KLF16: variants seen among roughly 807,000 people sequenced by gnomAD.
KLF16 encodes the protein Krueppel-like factor 16.
In KLF16, 6 loss-of-function variants were observed where a neutral mutation model predicts 6.1. The ratio of observed to expected loss-of-function variants is 0.98; its 90% CI spans 0.54 to 1.93. KLF16 has a LOEUF of 1.93. Ranked by LOEUF, KLF16 falls within the 30% of genes most tolerant of loss-of-function variation. KLF16 has a pLI of 0.01. For synonymous variants in KLF16, 211 were observed against 176.5 expected (o/e 1.20, Z -1.55); for missense variants, 355 against 363.8 (o/e 0.98, Z 0.20).
At chr19:1,859,408 T>G (rs1010131954) in intron 1 of KLF16, among the ~76,000 whole-genome samples, 97 of 151,938 alleles carry the variant, frequency 6.4e-4, no homozygotes, top group African/African-American at 2.2e-3. Context: ...CCACATCTCG[T>G]CCTGCCCTCC....
At chr19:1,862,512 G>A (rs1251291038) in intron 1 of KLF16, among the ~76,000 whole-genome samples, 1 of 151,808 alleles carries the variant, frequency 6.6e-6, no homozygotes, top group African/African-American at 2.4e-5. Flanking sequence ...CAGAGAAAAC[G>A]TGCCGGGCTC....
chr19:1,872,141 G>T, the KLF16 span, among the ~76,000 whole-genome samples: 7 of 152,034 alleles, frequency 4.6e-5, no homozygotes, highest in Non-Finnish European at 8.8e-5. Flanking sequence ...GTTTTTCGTT[G>T]TTTTTTTAAG....
In KLF16 at chr19:1,863,403, G is replaced by T; in HGVS notation, c.95C>A (p.Pro32His). 1 of 995,440 alleles carries T rather than the reference G, an allele frequency of 1.0e-6. No homozygotes were observed. The highest frequency in any genetic ancestry group is 1.2e-6 in the Non-Finnish European group (1 of 838,432). The allele number at this position is 995,440 out of a possible 1,614,324, so 61.7% of individuals were successfully genotyped here. A position where few individuals can be genotyped will look rare whatever the true frequency, so the allele number is the denominator to read the frequency against. Reference sequence around the variant, plus strand: ...GCCGGCGGCGGGGCCCGCGCCCTCGGGGCCGGGCCGCCCGCGGTGCACCAC... The same window carrying T: ...GCCGGCGGCGGGGCCCGCGCCCTCGTGGCCGGGCCGCCCGCGGTGCACCAC... ...GAVVHRGRPG[P>H]EGAGPAAGLD... The change falls in exon 1 of 2, where the codon CCC (proline) becomes CAC (histidine). Residue 32 changes from proline to histidine, a missense_variant. Pro to His is a moderately conservative substitution (Grantham distance 77, BLOSUM62 -2). Transcript: ENST00000250916.
chr19:1,866,315 A>C (rs572029765), upstream of KLF16, among the ~76,000 whole-genome samples: 1 of 150,780 alleles, frequency 6.6e-6, no homozygotes. Flanking sequence ...TCTCAAAAAA[A>C]AAAATTAGCT....
intron 1 of KLF16, among the ~76,000 whole-genome samples, chr19:1,856,409 A>G (rs1235199606): frequency 6.6e-6 from 1 of 152,114 alleles, no homozygotes; most frequent in Non-Finnish European, 1.5e-5. Flanking sequence ...CCCTCAGCAA[A>G]ACAAGACTGC....
At chr19:1,864,761 AG>A (rs1442848299), upstream of KLF16, among the ~76,000 whole-genome samples, 4 of 152,154 alleles carry the variant, frequency 2.6e-5, no homozygotes, top group South Asian at 2.1e-4. Context: ...GTTAAATATT[AG>A]GGGGGACACC....
chr19:1,870,574 T>A, the KLF16 span, among the ~76,000 whole-genome samples: 2 of 151,006 alleles, frequency 1.3e-5, no homozygotes, highest in African/African-American at 4.9e-5. Context: ...GAGGCTGAGG[T>A]GGAAAGATCA....
At position 1,852,903 on chromosome 19, in the gene KLF16, C is replaced by G. The variant is rs953118711; in HGVS notation, c.*1556G>C. ...CACCCATCCCTGGATCCTGCCAGGC[C>G]GGGGCTGGGTCCAGGTGCACACCAG... On this transcript the variant is annotated 3_prime_UTR_variant, in exon 2 of 2. Transcript: ENST00000250916. The G allele has an allele frequency of 6.6e-6, 1 of 152,192 alleles. No individual in the cohort carries two copies. Among genetic ancestry groups the G allele is most frequent in the Non-Finnish European group, 1.5e-5 (1 of 68,090 alleles). The allele number at this position is 152,192 out of a possible 1,614,324, so 9.4% of individuals were successfully genotyped here. A position where few individuals can be genotyped will look rare whatever the true frequency, so the allele number is the denominator to read the frequency against.
intron 1 of KLF16, among the ~76,000 whole-genome samples, chr19:1,862,297 C>A (rs543030249): frequency 6.6e-6 from 1 of 152,304 alleles, no homozygotes; most frequent in Non-Finnish European, 1.5e-5. Flanking sequence ...CTAGGAGGGG[C>A]GTTGGTGTAG....
rs1568730423 is a variant in KLF16 at position 1,853,012 on chromosome 19, A to AC, written c.*1446dup. 1 of 152,264 alleles carries AC rather than the reference A, an allele frequency of 6.6e-6. No individual in the cohort carries two copies. The highest frequency in any genetic ancestry group is 1.9e-4 in the East Asian group (1 of 5,170). 9.4% of individuals were successfully genotyped at this position (152,264 alleles called of 1,614,324 possible). A position where few individuals can be genotyped will look rare whatever the true frequency, so the allele number is the denominator to read the frequency against. On this transcript the variant is annotated 3_prime_UTR_variant, in exon 2 of 2. Transcript: ENST00000250916. Reference sequence around the variant, plus strand: ...GGGTACCAAAAACCTCCTGCAGCCAACAGTGGGGGGATCCACCTTTCTGGG... The same window carrying AC: ...GGGTACCAAAAACCTCCTGCAGCCAACCAGTGGGGGGATCCACCTTTCTGGG...
At chr19:1,876,032 G>A in the KLF16 span, 1 of 152,450 alleles carries the variant, frequency 6.6e-6, no homozygotes, top group Admixed American at 6.5e-5. Context: ...GAGGCCGAGG[G>A]AAGGAGTGAG....
At chr19:1,872,558 C>T in the KLF16 span, among the ~76,000 whole-genome samples, 1 of 152,224 alleles carries the variant, frequency 6.6e-6, no homozygotes, top group Non-Finnish European at 1.5e-5. Context: ...CTCTTATCCT[C>T]CACGGACACA....
At position 1,854,306 on chromosome 19, in the gene KLF16, C is replaced by T; in HGVS notation, c.*153G>A. On this transcript the variant is annotated 3_prime_UTR_variant, in exon 2 of 2. Transcript: ENST00000250916. The stretch of plus-strand genomic sequence containing the variant: ...CTCTGAGGTCAGGCAGACCCAGGTC[C>T]AGTCTCAGGCCCCCTCCTCACTCTC... 1 of 948,770 alleles carries T rather than the reference C, an allele frequency of 1.1e-6. No homozygotes were observed. Among genetic ancestry groups the T allele is most frequent in the Non-Finnish European group, 1.4e-6 (1 of 701,910 alleles). The allele number at this position is 948,770 out of a possible 1,614,324, so 58.8% of individuals were successfully genotyped here.
rs891609468 is a variant in KLF16, at chr19:1,857,410, G to A, written c.458-2650C>T. 2.0e-5 allele frequency among the ~76,000 whole-genome samples: 3 copies of A among 152,228 alleles called. No homozygotes were observed. The highest frequency in any genetic ancestry group is 2.0e-4 in the Admixed American group (3 of 15,288). ...AGCGCCCTGAGGATGCGGTGGGTGG[G>A]GACAACGCGGGAGGGCAGTGTGGGC... On this transcript the variant is annotated intron_variant, in intron 1 of 1. Transcript: ENST00000250916. The surrounding 1 kb of genome is among the most constrained non-coding windows in gnomAD (Gnocchi z 4.7).
chr19:1,856,963 G>GGGGGGGGGGGGGGGGGC (rs1466347651), intron 1 of KLF16, among the ~76,000 whole-genome samples: 1 of 117,398 alleles, frequency 8.5e-6, no homozygotes, highest in Non-Finnish European at 1.7e-5. Flanking sequence ...GGTGGGGGGG[G>GGGGGGGGGGGGGGGGGC]CGACCGGGGC....
upstream of KLF16, among the ~76,000 whole-genome samples, chr19:1,866,915 TTC>T (rs1328040408): frequency 5.9e-5 from 9 of 152,002 alleles, no homozygotes; most frequent in African/African-American, 2.2e-4. Flanking sequence ...ACTCAGCCCC[TTC>T]TTTCTTCAAA....
Position 1,853,760 on chromosome 19 carries a change from C to A in KLF16, c.*699G>T, listed in dbSNP as rs910495914. ...TGAGTCAAATGTTCTTTGGAAGAACCCAGAGGTCCCCTCCCTCCCCATCCC... is the reference window on the plus strand; with the variant it reads ...TGAGTCAAATGTTCTTTGGAAGAACACAGAGGTCCCCTCCCTCCCCATCCC... On this transcript the variant is annotated 3_prime_UTR_variant, in exon 2 of 2. Transcript: ENST00000250916. 6.6e-6 allele frequency: 1 copy of A among 152,530 alleles called. No homozygotes were observed. The highest frequency in any genetic ancestry group is 1.5e-5 in the Non-Finnish European group (1 of 68,080). 9.4% of individuals were successfully genotyped at this position (152,530 alleles called of 1,614,324 possible).
Position 1,863,408 on chromosome 19 carries a change from G to A in KLF16, c.90C>T (p.Pro30=), listed in dbSNP as rs1379970751. The A allele has an allele frequency of 6.3e-5, 63 of 995,200 alleles. No individual in the cohort carries two copies. The highest frequency in any genetic ancestry group is 7.0e-5 in the Non-Finnish European group (59 of 838,296). 61.6% of individuals were successfully genotyped at this position (995,200 alleles called of 1,614,324 possible). ...CGGCGGGGCCCGCGCCCTCGGGGCC[G>A]GGCCGCCCGCGGTGCACCACGGCGC... The part of the protein sequence containing the change: ...SSGAVVHRGR[P]GPEGAGPAAG... Residue 30 remains proline (P), a synonymous_variant, in exon 1 of 2, where the codon CCC becomes CCT. Transcript: ENST00000250916.
upstream of KLF16, among the ~76,000 whole-genome samples, chr19:1,864,320 C>T (rs934650338): frequency 1.3e-5 from 2 of 152,208 alleles, no homozygotes; most frequent in Non-Finnish European, 2.9e-5. Context: ...CCTGCTTTGA[C>T]CCCGCACTCA....
Sources: gnomAD v4.1 joint callset for allele counts (sites outside exome capture counted in the v4.1 genomes callset) on GRCh38, gnomAD v4.1.1 for gene constraint, Gnocchi (gnomAD v3.1) non-coding constraint, MANE v1.5 for transcripts, NCBI Gene and HGNC (gene_info 2026-07-23, HGNC 2026-07-21) for gene names.